The following COL4A2 variants were observed in gnomAD, a reference collection of about 807,000 sequenced individuals.
The protein encoded by COL4A2 is collagen type IV alpha 2 chain.
A neutral mutation model predicts 200.2 loss-of-function variants in COL4A2; 99 were observed. The observed-to-expected ratio is 0.49, with a 90% confidence interval of 0.42 to 0.58. COL4A2 has a LOEUF of 0.58. Among genes scored for constraint, COL4A2 ranks in the 20% least tolerant of loss-of-function variants. The probability of loss-of-function intolerance (pLI) is 0.00; values close to 1 mark genes in which losing one functional copy is unlikely to be tolerated. For missense variants in COL4A2, 1,950 were observed against 2,314.1 expected (o/e 0.84, Z 3.23); for synonymous variants, 897 against 900.6 (o/e 1.00, Z 0.07).
chr13:110,459,875 A>G (rs1025713723), intron 22 of COL4A2: 1 of 151,826 alleles, frequency 6.6e-6, no homozygotes, highest in Non-Finnish European at 1.5e-5. Flanking sequence ...AGACCTTTTG[A>G]TTTTTAAACT....
In COL4A2 at chr13:110,397,276, T is replaced by C. The variant is rs9515203; in HGVS notation, c.181-27458T>C. On this transcript the variant is annotated intron_variant, in intron 4 of 47. Coordinates refer to ENST00000360467, the MANE Select transcript of COL4A2 (RefSeq NM_001846.4). ...ACGGAGGTTCTGCCAAATACAAGTC[T>C]AACAGGGAAGTGGTTTGGGCAGCCC... Among the ~76,000 whole-genome samples the C allele has an allele frequency of 0.26, 39,295 of 152,192 alleles. 5,336 individuals carry two copies. The highest frequency in any genetic ancestry group is 0.3 in the Admixed American group (4,540 of 15,288).
At chr13:110,470,073 C>G (rs1049499196) in intron 28 of COL4A2, among the ~76,000 whole-genome samples, 5 of 152,076 alleles carry the variant, frequency 3.3e-5, no homozygotes, top group Admixed American at 6.5e-5. Context: ...TGCCACCACA[C>G]CTGGCTGATT....
At position 110,447,732 on chromosome 13, in the gene COL4A2, C is replaced by G. The variant is rs543501882; in HGVS notation, c.1078+868C>G. ...GGACAGGCACAGAGTTGGAGCTCAG[C>G]AAACGCCTGACTGAGTGACGACGTG... is the stretch of plus-strand genomic sequence containing the variant. On this transcript the variant is annotated intron_variant, in intron 18 of 47. Coordinates refer to ENST00000360467, the MANE Select transcript of COL4A2 (RefSeq NM_001846.4). Among the ~76,000 whole-genome samples the G allele has an allele frequency of 6.1e-5, 7 of 114,020 alleles. No individual in the cohort carries two copies. In the East Asian group the frequency reaches 1.6e-3, roughly 25 times the overall value. The allele number at this position is 114,020 out of a possible 152,430, so 74.8% of individuals were successfully genotyped here.
intron 4 of COL4A2, among the ~76,000 whole-genome samples, chr13:110,374,593 C>T (rs897244587): frequency 2.6e-5 from 4 of 152,248 alleles, no homozygotes; most frequent in Admixed American, 2.0e-4. Context: ...GGAAGCAGCT[C>T]TGTTCCAGGA....
intron 4 of COL4A2, among the ~76,000 whole-genome samples, chr13:110,389,552 C>G (rs747713054): frequency 6.6e-6 from 1 of 152,222 alleles, no homozygotes; most frequent in Non-Finnish European, 1.5e-5. Context: ...CTCAGGGAGT[C>G]CTTCTCAGAC....
At chr13:110,412,423 A>T (rs527470943) in intron 4 of COL4A2, among the ~76,000 whole-genome samples, 1 of 152,140 alleles carries the variant, frequency 6.6e-6, no homozygotes, top group South Asian at 2.1e-4. Context: ...ACTGCCTGCC[A>T]CCTCGTGTTC....
At chr13:110,473,175 G>A in intron 29 of COL4A2, 25 bp downstream of exon 29, 2 of 1,547,552 alleles carry the variant, frequency 1.3e-6, no homozygotes, top group Non-Finnish European at 1.7e-6. Flanking sequence ...GGGGAGCCGG[G>A]GGCCCCATCC....
At chr13:110,476,016 A>G (rs866008039) in intron 29 of COL4A2, among the ~76,000 whole-genome samples, 44 of 152,320 alleles carry the variant, frequency 2.9e-4, no homozygotes, top group Middle Eastern at 3.4e-3. Flanking sequence ...CGTGCTGTCC[A>G]CTTCCAGAAG....
intron 37 of COL4A2, 83 bp from the exon 38 acceptor site, chr13:110,491,987 C>T (rs369424): frequency 6.8e-5 from 83 of 1,212,124 alleles, no homozygotes; most frequent in African/African-American, 3.7e-4. Context: ...CCTCCCAGAG[C>T]GGCTGCCCCT....
intron 25 of COL4A2, 139 bp downstream of exon 25, chr13:110,465,745 C>A: frequency 1.1e-6 from 1 of 911,982 alleles, no homozygotes; most frequent in Non-Finnish European, 1.6e-6. Flanking sequence ...AAGGGATGAC[C>A]CAACTGTGAG....
intron 4 of COL4A2, among the ~76,000 whole-genome samples, chr13:110,380,270 G>T (rs930063282): frequency 1.3e-5 from 2 of 152,182 alleles, no homozygotes; most frequent in African/African-American, 4.8e-5. Context: ...TGAGGGGAGG[G>T]TCGAACAGAG....
Position 110,462,129 on chromosome 13 carries a change from AT to A in COL4A2, c.1614del (p.Ile538MetfsTer33). 6.2e-7 allele frequency: 1 copy of A among 1,614,256 alleles called. No individual in the cohort carries two copies. The highest frequency in any genetic ancestry group is 8.5e-7 in the Non-Finnish European group (1 of 1,180,048). The stretch of plus-strand genomic sequence containing the variant: ...TTTTCCACAGGGAGTGCCTGGCAAC[AT>A]TGGTGCTCCCGGACCCAAAGGAGCA... ...FPGLKGVPGN[I>X]GAPGPKGAKG... is the part of the protein sequence containing the mutation. On this transcript the variant is annotated frameshift_variant, in exon 23 of 48. Coordinates refer to ENST00000360467, the MANE Select transcript of COL4A2 (RefSeq NM_001846.4). LOFTEE classifies it high-confidence loss of function.
At chr13:110,505,275 A>G (rs1045668919) in intron 45 of COL4A2, among the ~76,000 whole-genome samples, 10 of 152,082 alleles carry the variant, frequency 6.6e-5, no homozygotes, top group South Asian at 2.1e-4. Context: ...GCCTCAACCC[A>G]GGAGGTGGAG....
intron 3 of COL4A2, among the ~76,000 whole-genome samples, chr13:110,355,034 T>C (rs75144131): frequency 0.055 from 8,395 of 152,282 alleles, 586 homozygotes; most frequent in African/African-American, 0.17. Flanking sequence ...TGTTTAGTCA[T>C]TGACACGTAA....
At chr13:110,358,333 T>C (rs1429510438) in intron 4 of COL4A2, among the ~76,000 whole-genome samples, 1 of 152,166 alleles carries the variant, frequency 6.6e-6, no homozygotes, top group Non-Finnish European at 1.5e-5. Context: ...CACCAGAAGG[T>C]CTTCGGGGCA....
rs536453426 is a variant in COL4A2, at chr13:110,449,748, C to T, written c.1148C>T (p.Pro383Leu). 22 of 1,549,112 alleles carry T rather than the reference C, an allele frequency of 1.4e-5. No individual in the cohort carries two copies. The highest frequency in any genetic ancestry group is 5.9e-5 in the Admixed American group (3 of 50,810). ...EPGSQGEPGDPGLPGPPGLSI... is the reference protein window; with the variant it reads ...EPGSQGEPGDLGLPGPPGLSI... ...GGAAGCCAGGGTGAGCCAGGAGACC[C>T]GGGCCTCCCAGGTCCCCCTGGCCTC... Residue 383 changes from proline (P) to leucine (L), a missense_variant, in exon 19 of 48, where the codon CCG (proline) becomes CTG (leucine). Around this residue, in one of 2 missense-constraint regions of COL4A2, gnomAD observed 565 missense variants for 593.5 expected, o/e 0.95. Transcript: ENST00000360467.
intron 3 of COL4A2, among the ~76,000 whole-genome samples, chr13:110,317,247 A>G (rs1877232055): frequency 6.6e-6 from 1 of 151,814 alleles, no homozygotes; most frequent in Non-Finnish European, 1.5e-5. Context: ...GTACATATAG[A>G]CACACTTGCA....
Position 110,508,374 on chromosome 13 carries a change from C to G in COL4A2, c.4881+153C>G. On this transcript the variant is annotated intron_variant, in intron 47 of 47. Transcript: ENST00000360467. This position sits in a 1 kb window ranked among gnomAD's most constrained non-coding sequence, Gnocchi z 6.1. ...CAGGAAGCGAGCGAGAGCTGGAACA[C>G]AGCTTACACTTGGCTAACTGAGCCA... 7 of 1,243,812 alleles carry G rather than the reference C, an allele frequency of 5.6e-6. No individual in the cohort carries two copies. Among genetic ancestry groups the G allele is most frequent in the Middle Eastern group, 2.5e-4 (1 of 4,006 alleles). 77.0% of individuals were successfully genotyped at this position (1,243,812 alleles called of 1,614,324 possible).
At chr13:110,436,943 G>C (rs766207753) in intron 13 of COL4A2, among the ~76,000 whole-genome samples, 2 of 152,148 alleles carry the variant, frequency 1.3e-5, no homozygotes, top group Non-Finnish European at 2.9e-5. Flanking sequence ...AGGGCTTCCT[G>C]TTCCCCCTGT....
Sources: allele counts gnomAD v4.1 joint callset (sites outside exome capture counted in the v4.1 genomes callset), GRCh38; gene constraint gnomAD v4.1.1; regional missense constraint gnomAD v4.1.1; non-coding constraint Gnocchi (gnomAD v3.1); transcripts MANE v1.5; gene names NCBI Gene and HGNC (gene_info 2026-07-23, HGNC 2026-07-21).